The following TRPM3 variants were observed in gnomAD, a reference collection of about 807,000 sequenced individuals.
The protein encoded by TRPM3 is transient receptor potential cation channel subfamily M member 3.
A neutral mutation model predicts 181.2 loss-of-function variants in TRPM3; 77 were observed. The observed-to-expected ratio is 0.42, with a 90% CI of 0.35 to 0.51. The LOEUF (loss-of-function observed/expected upper bound fraction) is 0.51, where lower values mean the gene tolerates loss of function less well. TRPM3 is among the 20% of genes least tolerant of loss of function. The pLI is 0.01. For missense variants in TRPM3, 1,759 were observed against 2,196.7 expected, an observed-to-expected ratio of 0.80 and a Z score of 3.98; for synonymous variants, 745 against 796.4, an observed-to-expected ratio of 0.94 and a Z score of 1.09.
chr9:71,027,959 G>A (rs780478294), intron 1 of TRPM3, among the ~76,000 whole-genome samples: 16 of 152,166 alleles, frequency 1.1e-4, no homozygotes, highest in African/African-American at 3.4e-4. Flanking sequence ...TTCAGGAAAT[G>A]CAGAAAACTT....
chr9:70,869,743 C>G (rs1342796441), intron 1 of TRPM3, among the ~76,000 whole-genome samples: 1 of 151,928 alleles, frequency 6.6e-6, no homozygotes, highest in Non-Finnish European at 1.5e-5. Flanking sequence ...GTCCTGCTTC[C>G]TTATTAAAAA....
At chr9:70,991,565 T>TC (rs1441629515) in intron 1 of TRPM3, among the ~76,000 whole-genome samples, 47 of 150,912 alleles carry the variant, frequency 3.1e-4, no homozygotes, top group African/African-American at 1.1e-3. Flanking sequence ...GTTTTTTTTT[T>TC]TTTTTTTTGA....
At chr9:71,207,301 T>C (rs530702533) in intron 1 of TRPM3, among the ~76,000 whole-genome samples, 24 of 152,320 alleles carry the variant, frequency 1.6e-4, no homozygotes, top group African/African-American at 5.5e-4. Flanking sequence ...AGAAAATATG[T>C]TTAATTTAAA....
In TRPM3 at chr9:70,752,039, TGTGTGTGTGTGC is replaced by T. The variant is rs1157669560; in HGVS notation, c.1272+9550_1272+9561del. On this transcript the variant is annotated intron_variant, in intron 8 of 25. Transcript: ENST00000677713. ...GTGTGTGTGTGTGTGTGTGTGTGTG[TGTGTGTGTGTGC>T]GCGCGCGCGCGCATACACATGTACA... 2.4e-3 allele frequency among the ~76,000 whole-genome samples: 278 copies of T among 116,954 alleles called. 8 individuals carry two copies. Among genetic ancestry groups the T allele is most frequent in the South Asian group, 2.7e-3 (7 of 2,628 alleles). The allele number at this position is 116,954 out of a possible 152,430, so 76.7% of individuals were successfully genotyped here.
intron 1 of TRPM3, among the ~76,000 whole-genome samples, chr9:71,035,725 A>G (rs1012429334): frequency 6.6e-6 from 1 of 152,164 alleles, no homozygotes; most frequent in African/African-American, 2.4e-5. Context: ...ACAAAAATAA[A>G]TAAATAAATA....
chr9:71,058,050 T>G (rs1565095813), intron 1 of TRPM3, among the ~76,000 whole-genome samples: 2 of 152,048 alleles, frequency 1.3e-5, no homozygotes, highest in Non-Finnish European at 2.9e-5. Flanking sequence ...ATGGTACAGA[T>G]AGTATCCCTG....
intron 1 of TRPM3, among the ~76,000 whole-genome samples, chr9:71,188,224 T>C (rs1259622371): frequency 1.3e-5 from 2 of 151,940 alleles, no homozygotes; most frequent in Non-Finnish European, 2.9e-5. Context: ...CACCAATTTA[T>C]ACTTCTGGCA....
chr9:70,846,861 G>A (rs1053648592), intron 3 of TRPM3, among the ~76,000 whole-genome samples: 33 of 152,056 alleles, frequency 2.2e-4, no homozygotes, highest in Non-Finnish European at 7.4e-5. Flanking sequence ...TTCCCAGACC[G>A]AGTTCTTTGC....
chr9:70,745,800 T>C (rs1424780294), intron 8 of TRPM3, among the ~76,000 whole-genome samples: 8 of 152,142 alleles, frequency 5.3e-5, no homozygotes, highest in African/African-American at 1.7e-4. Flanking sequence ...TTCCTCTTAA[T>C]TGTACCCTGT....
In TRPM3 at chr9:71,179,424, G is replaced by A. The variant is rs531139771; in HGVS notation, c.183+267229C>T. On this transcript the variant is annotated intron_variant, in intron 1 of 24. Transcript: ENST00000357533. ...ACTTCCAAGGTCTCAGGCAGGGAGT[G>A]TCTCCTTATTCTCTCATTCTGGTCT... 2.0e-5 allele frequency among the ~76,000 whole-genome samples: 3 copies of A among 152,226 alleles called. No individual in the cohort carries two copies. In the South Asian group the frequency reaches 6.2e-4, roughly 32 times the overall value.
At chr9:71,244,719 C>A (rs2081935363) in intron 1 of TRPM3, among the ~76,000 whole-genome samples, 1 of 152,054 alleles carries the variant, frequency 6.6e-6, no homozygotes, top group Non-Finnish European at 1.5e-5. Context: ...TGTTGAATTC[C>A]TGATATGTGT....
chr9:70,851,748 G>GA (rs1375554070), intron 3 of TRPM3, among the ~76,000 whole-genome samples: 4 of 152,114 alleles, frequency 2.6e-5, no homozygotes, highest in African/African-American at 9.7e-5. Context: ...TGAAGAAAGG[G>GA]AGACAGTAGG....
chr9:70,992,233 AAG>A (rs1459262361), intron 1 of TRPM3, among the ~76,000 whole-genome samples: 1 of 152,208 alleles, frequency 6.6e-6, no homozygotes, highest in African/African-American at 2.4e-5. Context: ...CTGTTAAATG[AAG>A]AAGTAAATTT....
At chr9:71,018,929 A>T (rs2097813486) in intron 1 of TRPM3, among the ~76,000 whole-genome samples, 1 of 151,968 alleles carries the variant, frequency 6.6e-6, no homozygotes, top group Non-Finnish European at 1.5e-5. Flanking sequence ...ATATAAAAAG[A>T]ACAGTACATT....
intron 1 of TRPM3, among the ~76,000 whole-genome samples, chr9:71,178,819 G>A (rs150713747): frequency 7.2e-5 from 11 of 152,036 alleles, no homozygotes; most frequent in South Asian, 2.1e-4. Flanking sequence ...TCATGAGCTC[G>A]CTGTTAAAAA....
intron 1 of TRPM3, among the ~76,000 whole-genome samples, chr9:71,323,776 G>A (rs1052664280): frequency 6.6e-6 from 1 of 152,096 alleles, no homozygotes; most frequent in African/African-American, 2.4e-5. Context: ...AGATGAGAGG[G>A]AAGATGACAT....
intron 12 of TRPM3, among the ~76,000 whole-genome samples, chr9:70,632,853 C>G (rs1028453775): frequency 6.6e-6 from 1 of 152,174 alleles, no homozygotes; most frequent in East Asian, 1.9e-4. Context: ...CTTAGAGATA[C>G]TTTACATGCC....
intron 1 of TRPM3, among the ~76,000 whole-genome samples, chr9:70,902,434 A>T (rs927846265): frequency 2.6e-5 from 4 of 152,228 alleles, no homozygotes; most frequent in Admixed American, 2.6e-4. Flanking sequence ...GATTTATCTT[A>T]TCACTCTGAA....
chr9:70,695,757 A>G (rs1351482044), intron 8 of TRPM3, among the ~76,000 whole-genome samples: 1 of 152,094 alleles, frequency 6.6e-6, no homozygotes, highest in Non-Finnish European at 1.5e-5. Context: ...ACTTCATCCA[A>G]TCCCACAAAA....
Sources: gnomAD v4.1 joint callset for allele counts (sites outside exome capture counted in the v4.1 genomes callset) on GRCh38, gnomAD v4.1.1 for gene constraint, MANE v1.5 for transcripts, NCBI Gene and HGNC (gene_info 2026-07-23, HGNC 2026-07-21) for gene names.